ZFP91: variants seen among roughly 807,000 people sequenced by gnomAD.
The protein encoded by ZFP91 is ZFP91 zinc finger protein, atypical E3 ubiquitin ligase.
A neutral mutation model predicts 63.5 loss-of-function variants in ZFP91; 7 were observed. The observed-to-expected ratio is 0.11, with a 90% CI of 0.06 to 0.21. The LOEUF is 0.21. Ranked by LOEUF, ZFP91 falls within the 10% of genes least tolerant of loss-of-function variation. The pLI, the probability that ZFP91 is intolerant of heterozygous loss-of-function variation, is 1.00. For missense variants in ZFP91, 628 were observed against 736.6 expected, an observed-to-expected ratio of 0.85 and a Z score of 1.71; for synonymous variants, 330 against 272.1, an observed-to-expected ratio of 1.21 and a Z score of -2.10.
At chr11:58,615,361 T>C (rs1003762747) in intron 9 of ZFP91, among the ~76,000 whole-genome samples, 2 of 152,214 alleles carry the variant, frequency 1.3e-5, no homozygotes, top group African/African-American at 4.8e-5. Flanking sequence ...CTGTTAATAC[T>C]GTTTTATGCC....
At position 58,610,998 on chromosome 11, in the gene ZFP91, G is replaced by C. The variant is rs776239529; in HGVS notation, c.666G>C (p.Glu222Asp). The change falls in exon 5 of 11, where the codon GAG (glutamate) becomes GAC (aspartate). Residue 222 changes from glutamate to aspartate, a missense_variant. This residue lies in a region of ZFP91 where 437 missense variants were observed against 380.3 expected (regional missense o/e 1.15). Coordinates refer to ENST00000316059, the MANE Select transcript of ZFP91 (RefSeq NM_053023.5). ...AAGAAGAGATGTTAATCAGTGAAGA[G>C]GAGATACCATTCAAAGATGATCCAA... ...EEEEEMLISE[E>D]EIPFKDDPRD... 1 of 1,613,228 alleles carries C rather than the reference G, an allele frequency of 6.2e-7. No homozygotes were observed. The highest frequency in any genetic ancestry group is 1.1e-5 in the South Asian group (1 of 91,036).
At chr11:58,612,493 T>C (rs943457575) in intron 7 of ZFP91, 165 bp downstream of exon 7, 2 of 678,928 alleles carry the variant, frequency 2.9e-6, no homozygotes, top group South Asian at 2.0e-5. Context: ...CTTATTTTCA[T>C]TGTAAGAGCT....
Position 58,617,595 on chromosome 11 carries a change from C to G in ZFP91, c.1602C>G (p.Ile534Met), listed in dbSNP as rs762323982. 1 of 1,608,864 alleles carries G rather than the reference C, an allele frequency of 6.2e-7. No homozygotes were observed. Among genetic ancestry groups the G allele is most frequent in the Non-Finnish European group, 8.5e-7 (1 of 1,177,540 alleles). Residue 534 changes from isoleucine to methionine, a missense_variant, in exon 11 of 11, where the codon ATC becomes ATG. Around this residue, in one of 3 missense-constraint regions of ZFP91, gnomAD observed 115 missense variants for 125.4 expected, o/e 0.92. Transcript: ENST00000316059. This position sits in a 1 kb window ranked among gnomAD's most constrained non-coding sequence, Gnocchi z 4.2. ...ERVSLMADGK[I>M]FVGSGSSGGT... ...TGAGCCTGATGGCTGATGGGAAGAT[C>G]TTTGTGGGAAGCGGCAGCAGTGGAG...
chr11:58,594,178 T>G (rs1302859857), intron 2 of ZFP91, among the ~76,000 whole-genome samples: 1 of 152,216 alleles, frequency 6.6e-6, no homozygotes, highest in Non-Finnish European at 1.5e-5. Flanking sequence ...TGTTAGACTT[T>G]TTTATGCCTC....
Position 58,606,686 on chromosome 11 carries a change from G to A in ZFP91, c.371-3144G>A, listed in dbSNP as rs555753601. On this transcript the variant is annotated intron_variant, in intron 2 of 10. Coordinates refer to ENST00000316059, the MANE Select transcript of ZFP91 (RefSeq NM_053023.5). ...GTTGTTGCCATCTTTATGTCCATGA[G>A]TACCTAATGTTTAGCTCCTACTTTG... is the stretch of plus-strand genomic sequence containing the variant. Among the ~76,000 whole-genome samples, 5 of 151,828 alleles carry A rather than the reference G, an allele frequency of 3.3e-5. No individual in the cohort carries two copies. The South Asian group carries it at 1.0e-3, about 32-fold the overall frequency.
chr11:58,621,063 G>A lies in ZFP91; in HGVS notation c.*3357G>A, dbSNP rs1855842950. 1 of 152,778 alleles carries A rather than the reference G, an allele frequency of 6.5e-6. No individual in the cohort carries two copies. Among genetic ancestry groups the A allele is most frequent in the East Asian group, 1.9e-4 (1 of 5,190 alleles). 9.5% of individuals were successfully genotyped at this position (152,778 alleles called of 1,614,324 possible). Reference sequence around the variant, plus strand: ...TGGAAGCAACTTGTCTTCCTTGGTTGTACTGAGTTACAGTTATCCTAGGGG... The same window carrying A: ...TGGAAGCAACTTGTCTTCCTTGGTTATACTGAGTTACAGTTATCCTAGGGG... On this transcript the variant is annotated 3_prime_UTR_variant, in exon 11 of 11. Transcript: ENST00000316059.
intron 9 of ZFP91, 39 bp from the exon 10 acceptor site, chr11:58,616,677 T>C (rs1245071538): frequency 8.4e-6 from 13 of 1,546,064 alleles, no homozygotes; most frequent in Non-Finnish European, 1.2e-5. Flanking sequence ...ATTTACAGGG[T>C]ATCTAAATAG....
At chr11:58,591,317 A>G (rs952237393) in intron 2 of ZFP91, among the ~76,000 whole-genome samples, 2 of 152,222 alleles carry the variant, frequency 1.3e-5, no homozygotes, top group Admixed American at 6.5e-5. Flanking sequence ...GTTGTTGTAT[A>G]GTGTCCCATT....
intron 3 of ZFP91, 90 bp from the exon 4 acceptor site, chr11:58,610,208 G>T: frequency 6.9e-7 from 1 of 1,452,000 alleles, no homozygotes; most frequent in Non-Finnish European, 9.4e-7. Context: ...ATTACCCCAT[G>T]CAGTAATTTG....
chr11:58,587,804 T>A (rs570330044), intron 2 of ZFP91, among the ~76,000 whole-genome samples: 1 of 152,164 alleles, frequency 6.6e-6, no homozygotes. Flanking sequence ...CCATCTGTTA[T>A]GTCCTTAGTG....
At chr11:58,602,357 G>A (rs1244019632) in intron 2 of ZFP91, among the ~76,000 whole-genome samples, 1 of 152,078 alleles carries the variant, frequency 6.6e-6, no homozygotes, top group South Asian at 2.1e-4. Flanking sequence ...GGATACAGAT[G>A]TCTCCATTTT....
rs1198384635 is a variant in ZFP91, at chr11:58,611,780, G to C, written c.857+42G>C. On this transcript the variant is annotated intron_variant, in intron 6 of 10. Transcript: ENST00000316059. ...TAAAAATGAAAATCTAACAGATTTT[G>C]AACGACTAGTGGAAAAAAGAGTGGG... 3 of 1,568,194 alleles carry C rather than the reference G, an allele frequency of 1.9e-6. No individual in the cohort carries two copies. The East Asian group carries it at 6.8e-5, about 36-fold the overall frequency.
At chr11:58,579,699 A>C in intron 1 of ZFP91, 77 bp downstream of exon 1, 3 of 1,311,364 alleles carry the variant, frequency 2.3e-6, no homozygotes, top group South Asian at 1.6e-5. Flanking sequence ...CGTAGCGCCT[A>C]CTCCACGTGA....
In ZFP91 at chr11:58,620,654, C is replaced by T. The variant is rs1440730087; in HGVS notation, c.*2948C>T. ...GCATCCACATAGAGCACTTGAACCT[C>T]CTTTGTACCTGTTTGGGGAAAAAGT... On this transcript the variant is annotated 3_prime_UTR_variant, in exon 11 of 11. Coordinates refer to ENST00000316059, the MANE Select transcript of ZFP91 (RefSeq NM_053023.5). 1.3e-5 allele frequency: 2 copies of T among 152,614 alleles called. No individual in the cohort carries two copies. The highest frequency in any genetic ancestry group is 2.4e-5 in the African/African-American group (1 of 41,448). The allele number at this position is 152,614 out of a possible 1,614,324, so 9.5% of individuals were successfully genotyped here.
chr11:58,591,529 C>CACA (rs1855305997), intron 2 of ZFP91, among the ~76,000 whole-genome samples: 1 of 152,158 alleles, frequency 6.6e-6, no homozygotes, highest in African/African-American at 2.4e-5. Flanking sequence ...GCACACCTAT[C>CACA]ACAATACAGT....
In ZFP91 at chr11:58,617,457, T is replaced by C. The variant is rs1855767811; in HGVS notation, c.1464T>C (p.Asp488=). The C allele has an allele frequency of 6.2e-7, 1 of 1,614,002 alleles. No individual in the cohort carries two copies. Among genetic ancestry groups the C allele is most frequent in the African/African-American group, 1.3e-5 (1 of 74,922 alleles). Reference sequence around the variant, plus strand: ...CAGAGTCCCTGACGCAGCCTTCAGATGGTCAGGGTCTTCCTCTTCTTCCTG... The same window carrying C: ...CAGAGTCCCTGACGCAGCCTTCAGACGGTCAGGGTCTTCCTCTTCTTCCTG... The part of the protein sequence containing the change: ...TNPESLTQPS[D]GQGLPLLPEP... The change falls in exon 11 of 11, where the codon GAT becomes GAC. Residue 488 remains aspartate, a synonymous_variant. Coordinates refer to ENST00000316059, the MANE Select transcript of ZFP91 (RefSeq NM_053023.5). This position sits in a 1 kb window ranked among gnomAD's most constrained non-coding sequence, Gnocchi z 4.2.
intron 3 of ZFP91, 35 bp from the exon 4 acceptor site, chr11:58,610,263 C>A: frequency 6.3e-7 from 1 of 1,584,602 alleles, no homozygotes. Flanking sequence ...TATATCTACA[C>A]TAATAAAATT....
In ZFP91 at chr11:58,617,412, A is replaced by G; in HGVS notation, c.1419A>G (p.Thr473=). The G allele has an allele frequency of 8.7e-6, 14 of 1,613,746 alleles. No individual in the cohort carries two copies. The highest frequency in any genetic ancestry group is 1.1e-5 in the Non-Finnish European group (13 of 1,179,814). Residue 473 remains threonine (T), a synonymous_variant, in exon 11 of 11, where the codon ACA becomes ACG. Transcript: ENST00000316059. The surrounding 1 kb of genome is among the most constrained non-coding windows in gnomAD (Gnocchi z 4.2). ...ATGCAGGCGCCCTCATCACCAGCACAGATATCTTGGGCACTAACCCAGAGT... is the reference window on the plus strand; with the variant it reads ...ATGCAGGCGCCCTCATCACCAGCACGGATATCTTGGGCACTAACCCAGAGT... ...AANAGALITS[T]DILGTNPESL...
At position 58,619,412 on chromosome 11, in the gene ZFP91, G is replaced by A. The variant is rs556466122; in HGVS notation, c.*1706G>A. 22 of 151,994 alleles carry A rather than the reference G, an allele frequency of 1.4e-4. No homozygotes were observed. The highest frequency in any genetic ancestry group is 4.1e-4 in the African/African-American group (17 of 41,394). The allele number at this position is 151,994 out of a possible 1,614,324, so 9.4% of individuals were successfully genotyped here. A position where few individuals can be genotyped will look rare whatever the true frequency, so the allele number is the denominator to read the frequency against. On this transcript the variant is annotated 3_prime_UTR_variant, in exon 11 of 11. Coordinates refer to ENST00000316059, the MANE Select transcript of ZFP91 (RefSeq NM_053023.5). Reference sequence around the variant, plus strand: ...CCTGTGTGCCTCAGAAGCTAGAATCGAAGGCTTACCCTATTCATTGTTTAT... The same window carrying A: ...CCTGTGTGCCTCAGAAGCTAGAATCAAAGGCTTACCCTATTCATTGTTTAT...
Sources: allele counts gnomAD v4.1 joint callset (sites outside exome capture counted in the v4.1 genomes callset), GRCh38; gene constraint gnomAD v4.1.1; regional missense constraint gnomAD v4.1.1; non-coding constraint Gnocchi (gnomAD v3.1); transcripts MANE v1.5; gene names NCBI Gene and HGNC (gene_info 2026-07-23, HGNC 2026-07-21).